Variants in TAB2 observed in about 807,000 individuals in gnomAD.
TAB2 encodes the protein TGF-beta-activated kinase 1 and MAP3K7-binding protein 2.
TAB2 carries 3 observed loss-of-function variants against 65.0 expected under a neutral mutation model. The observed-to-expected ratio is 0.05, with a 90% CI of 0.02 to 0.12. TAB2 has a LOEUF of 0.12. Ranked by LOEUF, TAB2 falls within the 10% of genes least tolerant of loss-of-function variation. TAB2 has a pLI of 1.00. For synonymous variants in TAB2, 298 were observed against 285.1 expected (o/e 1.05, Z -0.46); for missense variants, 623 against 840.3 (o/e 0.74, Z 3.20).
At chr6:149,344,146 G>T (rs374108389) in intron 1 of TAB2, among the ~76,000 whole-genome samples, 5 of 152,308 alleles carry the variant, frequency 3.3e-5, no homozygotes, top group Admixed American at 2.0e-4. Context: ...AATTAGAGCT[G>T]GAAAGGGAGC....
chr6:149,296,876 G>C (rs892677897), intron 1 of TAB2, among the ~76,000 whole-genome samples: 1 of 152,068 alleles, frequency 6.6e-6, no homozygotes, highest in African/African-American at 2.4e-5. Context: ...GCACCAAATA[G>C]CTATTTTCAT....
chr6:149,222,639 T>G (rs1053867692), intron 1 of TAB2, among the ~76,000 whole-genome samples: 2 of 151,238 alleles, frequency 1.3e-5, no homozygotes, highest in South Asian at 4.2e-4. Flanking sequence ...AAAAAGAAAC[T>G]TTTTTTTCAT....
chr6:149,227,265 G>A (rs1471408049), intron 1 of TAB2, among the ~76,000 whole-genome samples: 2 of 152,166 alleles, frequency 1.3e-5, no homozygotes, highest in Admixed American at 1.3e-4. Flanking sequence ...CTATGTCAAG[G>A]TCATTTTTTA....
intron 1 of TAB2, among the ~76,000 whole-genome samples, chr6:149,276,790 A>G (rs1171335845): frequency 1.3e-5 from 2 of 152,178 alleles, no homozygotes; most frequent in African/African-American, 2.4e-5. Flanking sequence ...CTTTTATTCA[A>G]CAATTCCATT....
chr6:149,334,264 A>T (rs995134505), intron 1 of TAB2, among the ~76,000 whole-genome samples: 1 of 152,002 alleles, frequency 6.6e-6, no homozygotes, highest in Non-Finnish European at 1.5e-5. Flanking sequence ...TGTCAGTGTC[A>T]GCACCTTCTG....
At chr6:149,355,769 C>T (rs1288880310) in intron 1 of TAB2, among the ~76,000 whole-genome samples, 2 of 151,892 alleles carry the variant, frequency 1.3e-5, no homozygotes, top group East Asian at 3.8e-4. Context: ...ACCTTACTTA[C>T]ATGACACTGT....
At chr6:149,247,479 G>T (rs986539980) in intron 1 of TAB2, 1 of 152,200 alleles carries the variant, frequency 6.6e-6, no homozygotes, top group African/African-American at 2.4e-5. Flanking sequence ...GACTTAAAAT[G>T]ACTATAAGCG....
At chr6:149,376,448 C>T (rs942119642) in intron 2 of TAB2, among the ~76,000 whole-genome samples, 1 of 152,232 alleles carries the variant, frequency 6.6e-6, no homozygotes, top group South Asian at 2.1e-4. Context: ...TTAGCTCCAG[C>T]CAGATCTGTT....
chr6:149,233,054 C>A (rs6921624), intron 1 of TAB2, among the ~76,000 whole-genome samples: 13,777 of 152,210 alleles, frequency 0.091, 1,024 homozygotes, highest in African/African-American at 0.21. Context: ...TAGTGTCCAC[C>A]CCTCACACCA....
Position 149,397,782 on chromosome 6 carries a change from TG to T in TAB2, c.1764+19del, listed in dbSNP as rs777501959. 1 of 1,612,068 alleles carries T rather than the reference TG, an allele frequency of 6.2e-7. No homozygotes were observed. Among genetic ancestry groups the T allele is most frequent in the African/African-American group, 1.3e-5 (1 of 75,002 alleles). ...TACCTTCCGTAAGTCTTTATGTAAC[TG>T]TTGTGATCTCTGCTTGAACATGAGA... On this transcript the variant is annotated intron_variant, in intron 4 of 6. Transcript: ENST00000637181.
At chr6:149,269,777 G>A (rs753648600) in intron 1 of TAB2, among the ~76,000 whole-genome samples, 3 of 152,068 alleles carry the variant, frequency 2.0e-5, no homozygotes, top group South Asian at 2.1e-4. Flanking sequence ...TCTGTAATTC[G>A]TTTCTTTTAT....
intron 1 of TAB2, among the ~76,000 whole-genome samples, chr6:149,284,645 T>TACACACACACACACAC (rs59723819): frequency 7.8e-5 from 11 of 141,526 alleles, no homozygotes; most frequent in Non-Finnish European, 1.5e-4. Context: ...ATGATCTCTT[T>TACACACACACACACAC]ACACACACAC....
upstream of TAB2, among the ~76,000 whole-genome samples, chr6:149,313,123 A>G (rs918217693): frequency 6.6e-6 from 1 of 151,788 alleles, no homozygotes; most frequent in African/African-American, 2.4e-5. Flanking sequence ...TTGCCACCTA[A>G]TATTTTAAAA....
chr6:149,252,962 G>C (rs1160070269), intron 1 of TAB2: 2 of 152,382 alleles, frequency 1.3e-5, no homozygotes, highest in Admixed American at 1.3e-4. Context: ...AGGCAGCCCA[G>C]CCAAGCTCTA....
At chr6:149,224,401 G>A (rs1276056166) in intron 1 of TAB2, among the ~76,000 whole-genome samples, 3 of 152,052 alleles carry the variant, frequency 2.0e-5, no homozygotes, top group African/African-American at 7.2e-5. Context: ...CTTTTTCCTG[G>A]ATCAAGTCAA....
chr6:149,357,430 A>AAACACACACACACACACAC lies in TAB2; in HGVS notation c.-89-12478_-89-12477insACACACACACACACACACA. ...GACTCCGTCTCAAGGAGAAAAAAAA[A>AAACACACACACACACACAC]ACACACACACACACACACACACACA... On this transcript the variant is annotated intron_variant, in intron 1 of 6. Coordinates refer to ENST00000637181, the MANE Select transcript of TAB2 (RefSeq NM_001292034.3). 4.5e-5 allele frequency among the ~76,000 whole-genome samples: 5 copies of AAACACACACACACACACAC among 111,186 alleles called. No homozygotes were observed. In the Admixed American group the frequency reaches 5.0e-4, roughly 11 times the overall value. 72.9% of individuals were successfully genotyped at this position (111,186 alleles called of 152,430 possible). A position where few individuals can be genotyped will look rare whatever the true frequency, so the allele number is the denominator to read the frequency against.
At chr6:149,321,495 A>AT (rs1779454521) in intron 1 of TAB2, 1 of 152,198 alleles carries the variant, frequency 6.6e-6, no homozygotes, top group Non-Finnish European at 1.5e-5. Context: ...AGAGGGTACT[A>AT]TCTTTTTCTA....
At chr6:149,348,014 T>C (rs1247402891) in intron 1 of TAB2, among the ~76,000 whole-genome samples, 1 of 152,212 alleles carries the variant, frequency 6.6e-6, no homozygotes, top group East Asian at 1.9e-4. Context: ...AACACTTCTT[T>C]CTGTGGTAAA....
intron 1 of TAB2, among the ~76,000 whole-genome samples, chr6:149,340,933 T>A (rs557446992): frequency 6.6e-6 from 1 of 152,254 alleles, no homozygotes; most frequent in Non-Finnish European, 1.5e-5. Context: ...TGTAATCTGA[T>A]CTTTGAGCCA....
Sources: allele counts gnomAD v4.1 joint callset (sites outside exome capture counted in the v4.1 genomes callset), GRCh38; gene constraint gnomAD v4.1.1; transcripts MANE v1.5; gene names NCBI Gene and HGNC (gene_info 2026-07-23, HGNC 2026-07-21).